Variants in MYO18B observed in about 807,000 individuals in gnomAD.
MYO18B encodes the protein unconventional myosin-XVIIIb.
A neutral mutation model predicts 273.0 loss-of-function variants in MYO18B; 204 were observed. That is an observed-to-expected ratio of 0.75 (90% CI 0.67 to 0.84). MYO18B has a LOEUF of 0.84. Ranked by LOEUF, MYO18B falls within the 40% of genes least tolerant of loss-of-function variation. The pLI is 0.00. For missense variants in MYO18B, 3,212 were observed against 3,287.6 expected (o/e 0.98, Z 0.56); for synonymous variants, 1,330 against 1,305.7 (o/e 1.02, Z -0.40).
At chr22:25,997,506 C>G (rs1383252672) in intron 40 of MYO18B, among the ~76,000 whole-genome samples, 1 of 151,888 alleles carries the variant, frequency 6.6e-6, no homozygotes, top group African/African-American at 2.4e-5. Flanking sequence ...TCTCAGCAGG[C>G]CTTGATCCTA....
At position 25,745,885 on chromosome 22, in the gene MYO18B, T is replaced by C. The variant is rs138543219; in HGVS notation, c.-110+3592T>C. On this transcript the variant is annotated intron_variant, in intron 1 of 43. Transcript: ENST00000335473. ...AGCTGGATTAACTGTTGCGTTGAGG[T>C]AGAGATGGTTGCTTGATGGGATTAA... Among the ~76,000 whole-genome samples the C allele has an allele frequency of 2.6e-5, 4 of 152,210 alleles. No homozygotes were observed. The East Asian group carries it at 7.7e-4, about 29-fold the overall frequency.
At chr22:25,777,495 G>T in intron 7 of MYO18B, 88 bp from the exon 8 acceptor site, 1 of 1,298,208 alleles carries the variant, frequency 7.7e-7, no homozygotes, top group Non-Finnish European at 1.0e-6. Context: ...CACAGATCTG[G>T]ACCCTAGGCC....
intron 25 of MYO18B, among the ~76,000 whole-genome samples, chr22:25,882,550 G>A (rs992652547): frequency 2.0e-5 from 3 of 152,166 alleles, no homozygotes; most frequent in Non-Finnish European, 2.9e-5. Flanking sequence ...ATCCTGAACT[G>A]TAAGCCAAGA....
At chr22:25,809,801 G>C (rs1005699578) in intron 12 of MYO18B, among the ~76,000 whole-genome samples, 1 of 152,102 alleles carries the variant, frequency 6.6e-6, no homozygotes, top group East Asian at 1.9e-4. Context: ...GTGGCTGGAT[G>C]CTCTTCAAGC....
intron 12 of MYO18B, among the ~76,000 whole-genome samples, chr22:25,804,393 A>G (rs1051687746): frequency 1.3e-5 from 2 of 152,202 alleles, no homozygotes; most frequent in African/African-American, 2.4e-5. Context: ...TTGCTAGATC[A>G]CCGGACCTGA....
intron 42 of MYO18B, among the ~76,000 whole-genome samples, chr22:26,007,285 TA>T (rs1464096951): frequency 1.3e-5 from 2 of 152,196 alleles, no homozygotes; most frequent in Non-Finnish European, 2.9e-5. Context: ...GCAGAAATAT[TA>T]ATTGTATTTG....
intron 1 of MYO18B, among the ~76,000 whole-genome samples, chr22:25,753,533 C>T (rs1242275972): frequency 1.3e-5 from 2 of 152,180 alleles, no homozygotes; most frequent in African/African-American, 2.4e-5. Flanking sequence ...GGGTCTCCTT[C>T]CGCGTTGTGG....
chr22:25,986,891 T>A (rs2093207894), intron 39 of MYO18B, among the ~76,000 whole-genome samples: 1 of 152,254 alleles, frequency 6.6e-6, no homozygotes, highest in Non-Finnish European at 1.5e-5. Context: ...CACGTTTGCA[T>A]ATATACATGT....
chr22:26,026,690 C>G lies in MYO18B; in HGVS notation c.6716C>G (p.Ser2239Trp), dbSNP rs192136611. The change falls in exon 43 of 44, where the codon TCG (serine) becomes TGG (tryptophan). Residue 2239 changes from serine to tryptophan, a missense_variant. Coordinates refer to ENST00000335473, the MANE Select transcript of MYO18B (RefSeq NM_032608.7). ...CGGAGTACAAATACATCCCCGCTGT[C>G]GAGGGAAAAGCTGCCCAGTCCTTCA... ...ASRSTNTSPL[S>W]REKLPSPSAA... The G allele has an allele frequency of 1.5e-4, 242 of 1,613,840 alleles. No individual in the cohort carries two copies. The highest frequency in any genetic ancestry group is 9.9e-4 in the Middle Eastern group (6 of 6,060).
chr22:25,843,107 G>T (rs992389190), intron 17 of MYO18B, among the ~76,000 whole-genome samples: 1 of 152,092 alleles, frequency 6.6e-6, no homozygotes, highest in African/African-American at 2.4e-5. Flanking sequence ...GACTTACGGG[G>T]CTTGGCACCT....
At position 25,835,331 on chromosome 22, in the gene MYO18B, C is replaced by T. The variant is rs1384672937; in HGVS notation, c.3096C>T (p.Ala1032=). ...CAGCTGGAGGAGGTGCCCAGGATGC[C>T]AGAGGCCTTTTCTGGGTCTTAGATG... ...RLPAGGGAQD[A]RGLFWVLDEE... is the part of the protein sequence containing the mutation. The change falls in exon 17 of 44, where the codon GCC becomes GCT. Residue 1032 remains alanine (A), a synonymous_variant. Transcript: ENST00000335473. 6.2e-7 allele frequency: 1 copy of T among 1,613,916 alleles called. No homozygotes were observed. The highest frequency in any genetic ancestry group is 1.1e-5 in the South Asian group (1 of 91,056).
chr22:25,744,339 G>A lies in MYO18B; in HGVS notation c.-110+2046G>A, dbSNP rs142290882. On this transcript the variant is annotated intron_variant, in intron 1 of 43. Transcript: ENST00000335473. The stretch of plus-strand genomic sequence containing the variant: ...CTGTGAGCCTACAAGGCTATGGGGA[G>A]ATGGCCCTTCACTGGGTCCTGCTAG... 4.6e-5 allele frequency among the ~76,000 whole-genome samples: 7 copies of A among 152,316 alleles called. No individual in the cohort carries two copies. In the East Asian group the frequency reaches 1.4e-3, roughly 29 times the overall value.
the MYO18B span, among the ~76,000 whole-genome samples, chr22:26,055,164 G>A: frequency 2.0e-5 from 3 of 152,072 alleles, no homozygotes; most frequent in African/African-American, 4.8e-5. Context: ...TATAGAGCCC[G>A]GTGTTTTTTC....
At position 25,835,453 on chromosome 22, in the gene MYO18B, C is replaced by T; in HGVS notation, c.3208+10C>T. 6.2e-7 allele frequency: 1 copy of T among 1,613,484 alleles called. No homozygotes were observed. The highest frequency in any genetic ancestry group is 8.5e-7 in the Non-Finnish European group (1 of 1,179,812). On this transcript the variant is annotated intron_variant, in intron 17 of 43. Coordinates refer to ENST00000335473, the MANE Select transcript of MYO18B (RefSeq NM_032608.7). ...GGAGCTGGGACTGAAGGTAAGGAAG[C>T]AGGGGGCTGGGGATGGGGCCTGAGT...
chr22:26,060,066 T>C, the MYO18B span, among the ~76,000 whole-genome samples: 1 of 152,266 alleles, frequency 6.6e-6, no homozygotes, highest in Non-Finnish European at 1.5e-5. Context: ...TACAGGATTC[T>C]GTTCCTGTTG....
rs1312817128 is a variant in MYO18B, at chr22:25,947,716, A to G, written c.5636A>G (p.Asp1879Gly). The G allele has an allele frequency of 7.4e-6, 12 of 1,612,896 alleles. No homozygotes were observed. In the Admixed American group the frequency reaches 1.7e-4, roughly 22 times the overall value. ...CCACTGATCTGCCTCCCCCAGGTGG[A>G]TGAGCAGCTGTACAGGCTGCAGTTT... The part of the protein sequence containing the change: ...ENMTRNKSLV[D>G]EQLYRLQFEK... The change falls in exon 36 of 44, where the codon GAT becomes GGT. Residue 1879 changes from aspartate (D) to glycine (G), a missense_variant. Coordinates refer to ENST00000335473, the MANE Select transcript of MYO18B (RefSeq NM_032608.7).
intron 40 of MYO18B, among the ~76,000 whole-genome samples, chr22:26,002,094 C>T (rs888858799): frequency 1.3e-5 from 2 of 152,160 alleles, no homozygotes; most frequent in Non-Finnish European, 2.9e-5. Context: ...TATTCTGCCT[C>T]CTACAAGGCC....
At position 25,849,430 on chromosome 22, in the gene MYO18B, C is replaced by T. The variant is rs184342632; in HGVS notation, c.3775+1778C>T. ...CACATGAGATAGATTTGTATGCATA[C>T]ACAGATACGTCAAATATTTATTATT... On this transcript the variant is annotated intron_variant, in intron 20 of 43. Coordinates refer to ENST00000335473, the MANE Select transcript of MYO18B (RefSeq NM_032608.7). Among the ~76,000 whole-genome samples the T allele has an allele frequency of 1.8e-4, 28 of 152,098 alleles. 1 individual carries two copies. Among genetic ancestry groups the T allele is most frequent in the Admixed American group, 1.8e-3 (28 of 15,278 alleles).
At chr22:25,902,966 A>G in intron 30 of MYO18B, 1 of 488,784 alleles carries the variant, frequency 2.0e-6, no homozygotes, top group Non-Finnish European at 3.7e-6. Flanking sequence ...AGTTACCTGC[A>G]CAGGTTCCGA....
Sources: gnomAD v4.1 joint callset for allele counts (sites outside exome capture counted in the v4.1 genomes callset) on GRCh38, gnomAD v4.1.1 for gene constraint, MANE v1.5 for transcripts, NCBI Gene and HGNC (gene_info 2026-07-23, HGNC 2026-07-21) for gene names.